The following PARVA variants were observed in gnomAD, a reference collection of about 807,000 sequenced individuals.
The protein encoded by PARVA is parvin alpha.
In PARVA, 25 loss-of-function variants were observed where a neutral mutation model predicts 52.6. The ratio of observed to expected loss-of-function variants is 0.48; its 90% CI spans 0.35 to 0.66. PARVA has a LOEUF of 0.66. Ranked by LOEUF, PARVA falls within the 30% of genes least tolerant of loss-of-function variation. The pLI, the probability that PARVA is intolerant of heterozygous loss-of-function variation, is 0.01. For missense variants in PARVA, 373 were observed against 450.9 expected (o/e 0.83, Z 1.56); for synonymous variants, 185 against 179.1 (o/e 1.03, Z -0.26).
At chr11:12,397,967 G>GTTCC (rs1472814915) in intron 1 of PARVA, among the ~76,000 whole-genome samples, 1 of 152,098 alleles carries the variant, frequency 6.6e-6, no homozygotes, top group African/African-American at 2.4e-5. Context: ...GTTGCTAAGT[G>GTTCC]TTCCACTAGC....
intron 10 of PARVA, among the ~76,000 whole-genome samples, chr11:12,516,433 TC>T (rs1291716915): frequency 6.6e-6 from 1 of 151,856 alleles, no homozygotes; most frequent in Non-Finnish European, 1.5e-5. Context: ...AGGTCCATCA[TC>T]CCCGGCCTCC....
chr11:12,426,724 C>T lies in PARVA; in HGVS notation c.137-47021C>T, dbSNP rs550826006. The stretch of plus-strand genomic sequence containing the variant: ...AGGGGCCAGGGTATCACCAGGTTGT[C>T]TTGTGCCTCCAGAGCCTAAGCTCTG... On this transcript the variant is annotated intron_variant, in intron 1 of 12. Transcript: ENST00000334956. Among the ~76,000 whole-genome samples the T allele has an allele frequency of 2.8e-4, 42 of 152,216 alleles. No individual in the cohort carries two copies. In the South Asian group the frequency reaches 3.9e-3, roughly 14 times the overall value.
chr11:12,528,331 A>AATCTT lies in PARVA; in HGVS notation c.*407_*411dup. 5.7e-6 allele frequency: 1 copy of AATCTT among 176,364 alleles called. No homozygotes were observed. Among genetic ancestry groups the AATCTT allele is most frequent in the Non-Finnish European group, 1.2e-5 (1 of 82,968 alleles). The allele number at this position is 176,364 out of a possible 1,614,324, so 10.9% of individuals were successfully genotyped here. A position where few individuals can be genotyped will look rare whatever the true frequency, so the allele number is the denominator to read the frequency against. ...CTGCTCTGATATACTCAAGGCCATT[A>AATCTT]ATCTTCAGGACTCCCATTGACGTAG... On this transcript the variant is annotated 3_prime_UTR_variant, in exon 13 of 13. Transcript: ENST00000334956.
chr11:12,414,888 G>C (rs2134978340), intron 1 of PARVA, among the ~76,000 whole-genome samples: 1 of 152,272 alleles, frequency 6.6e-6, no homozygotes, highest in Non-Finnish European at 1.5e-5. Context: ...GGTGGAAGTT[G>C]GCAAGCCTTT....
chr11:12,423,042 C>T (rs181652787), intron 1 of PARVA, among the ~76,000 whole-genome samples: 3 of 152,130 alleles, frequency 2.0e-5, no homozygotes, highest in East Asian at 3.9e-4. Context: ...CTAGTAGAGA[C>T]GGGCTTTCAC....
chr11:12,474,995 C>G (rs1398634448), intron 3 of PARVA, among the ~76,000 whole-genome samples: 1 of 152,056 alleles, frequency 6.6e-6, no homozygotes, highest in South Asian at 2.1e-4. Flanking sequence ...GTGATTCATT[C>G]CCCCATGCAA....
At chr11:12,437,311 C>T (rs1341887306) in intron 1 of PARVA, among the ~76,000 whole-genome samples, 2 of 152,194 alleles carry the variant, frequency 1.3e-5, no homozygotes, top group African/African-American at 4.8e-5. Context: ...TGTGCCTATT[C>T]ATTCTGTGAA....
chr11:12,484,542 T>C (rs1941133053), intron 4 of PARVA, among the ~76,000 whole-genome samples: 1 of 146,314 alleles, frequency 6.8e-6, no homozygotes, highest in East Asian at 2.0e-4. Context: ...TGTGTGTGTG[T>C]GTGTGTGGTT....
chr11:12,444,315 T>C (rs1237259498), intron 1 of PARVA, among the ~76,000 whole-genome samples: 3 of 152,074 alleles, frequency 2.0e-5, no homozygotes, highest in African/African-American at 7.2e-5. Context: ...CCAGAAGAAA[T>C]GGATAGCCCA....
At chr11:12,467,066 A>G (rs1940863195) in intron 1 of PARVA, among the ~76,000 whole-genome samples, 1 of 152,238 alleles carries the variant, frequency 6.6e-6, no homozygotes, top group African/African-American at 2.4e-5. Flanking sequence ...TCTTCTGCAT[A>G]TCAGAAGATA....
intron 1 of PARVA, among the ~76,000 whole-genome samples, chr11:12,415,061 C>T (rs1008803902): frequency 1.3e-5 from 2 of 152,202 alleles, no homozygotes; most frequent in Non-Finnish European, 2.9e-5. Context: ...CCTTGTTTTC[C>T]ATCCCATCCC....
At chr11:12,438,420 G>A (rs1940419020) in intron 1 of PARVA, among the ~76,000 whole-genome samples, 1 of 152,046 alleles carries the variant, frequency 6.6e-6, no homozygotes, top group Non-Finnish European at 1.5e-5. Context: ...CAGGAAATCA[G>A]CCCAAACTCA....
intron 1 of PARVA, among the ~76,000 whole-genome samples, chr11:12,381,597 C>G (rs1565322072): frequency 6.6e-6 from 1 of 152,220 alleles, no homozygotes; most frequent in Non-Finnish European, 1.5e-5. Flanking sequence ...TAACTCCCCA[C>G]AAACTTAACT....
At position 12,377,714 on chromosome 11, in the gene PARVA, C is replaced by T. The variant is rs1939417200; in HGVS notation, c.67C>T (p.Arg23Cys). 1 of 1,565,676 alleles carries T rather than the reference C, an allele frequency of 6.4e-7. No individual in the cohort carries two copies. The highest frequency in any genetic ancestry group is 8.6e-7 in the Non-Finnish European group (1 of 1,160,744). The change falls in exon 1 of 13, where the codon CGC becomes TGC. Residue 23 changes from arginine to cysteine, a missense_variant. Transcript: ENST00000334956. ...KSPTPKSPPSRKKDDSFLGKL... is the reference protein window; with the variant it reads ...KSPTPKSPPSCKKDDSFLGKL... ...TCCCACTCCCAAGTCGCCCCCGTCC[C>T]GCAAGAAAGATGATTCCTTCTTGGG...
At chr11:12,404,344 T>C (rs137857420) in intron 1 of PARVA, among the ~76,000 whole-genome samples, 3 of 152,180 alleles carry the variant, frequency 2.0e-5, no homozygotes, top group Non-Finnish European at 2.9e-5. Context: ...GGGATGCTGA[T>C]AGAGCAAGGT....
At chr11:12,435,052 C>CA (rs1564846154) in intron 1 of PARVA, among the ~76,000 whole-genome samples, 1 of 152,186 alleles carries the variant, frequency 6.6e-6, no homozygotes, top group Non-Finnish European at 1.5e-5. Flanking sequence ...TGCTTCTATT[C>CA]ATACACCAAA....
chr11:12,433,259 A>T (rs1940340503), intron 1 of PARVA, among the ~76,000 whole-genome samples: 1 of 152,222 alleles, frequency 6.6e-6, no homozygotes, highest in African/African-American at 2.4e-5. Context: ...TCTGATTTAC[A>T]GTTTTCCCAT....
chr11:12,400,375 T>C (rs1939808945), intron 1 of PARVA, among the ~76,000 whole-genome samples: 1 of 152,216 alleles, frequency 6.6e-6, no homozygotes, highest in Non-Finnish European at 1.5e-5. Flanking sequence ...AGCACTAGAA[T>C]AAAAATATAT....
Position 12,487,806 on chromosome 11 carries a change from A to G in PARVA, c.401-8652A>G, listed in dbSNP as rs74876383. Among the ~76,000 whole-genome samples the G allele has an allele frequency of 2.8e-3, 433 of 152,316 alleles. 12 individuals are homozygous for G. The East Asian group carries it at 0.058, about 20-fold the overall frequency. On this transcript the variant is annotated intron_variant, in intron 4 of 12. Coordinates refer to ENST00000334956, the MANE Select transcript of PARVA (RefSeq NM_018222.5). ...ATAGAAAAAGGCATGGTAGAGAACG[A>G]CTGTGTGTGTGTGTGTCAAGGGACA...
Sources: allele counts gnomAD v4.1 joint callset (sites outside exome capture counted in the v4.1 genomes callset), GRCh38; gene constraint gnomAD v4.1.1; transcripts MANE v1.5; gene names NCBI Gene and HGNC (gene_info 2026-07-23, HGNC 2026-07-21).